TMTC2: variants seen among roughly 807,000 people sequenced by gnomAD.
TMTC2 encodes the protein protein O-mannosyl-transferase TMTC2.
TMTC2 carries 43 observed loss-of-function variants against 82.4 expected under a neutral mutation model. The observed-to-expected ratio is 0.52, with a 90% CI of 0.41 to 0.67. The LOEUF is 0.67. TMTC2 is among the 30% of genes least tolerant of loss of function. The pLI is 0.00. For missense variants in TMTC2, 919 were observed against 1,012.4 expected (o/e 0.91, Z 1.25); for synonymous variants, 408 against 381.9 (o/e 1.07, Z -0.80).
chr12:82,857,273 C>T lies in TMTC2; in HGVS notation c.347C>T (p.Thr116Ile). The T allele has an allele frequency of 6.2e-7, 1 of 1,614,186 alleles. No individual in the cohort carries two copies. The highest frequency in any genetic ancestry group is 1.1e-5 in the South Asian group (1 of 91,082). ...ATCCTCCTTGGTGATGGATACTGGA[C>T]ATTCATGGCTGGCTTGATGTTTGCT... ...SKILLGDGYW[T>I]FMAGLMFASH... The change falls in exon 2 of 12, where the codon ACA (threonine) becomes ATA (isoleucine). Residue 116 changes from threonine (T) to isoleucine (I), a missense_variant. Transcript: ENST00000321196.
chr12:82,702,996 AGT>A lies in TMTC2; in HGVS notation c.83+15329_83+15330del, dbSNP rs546671848. Among the ~76,000 whole-genome samples, 24 of 152,142 alleles carry A rather than the reference AGT, an allele frequency of 1.6e-4. No homozygotes were observed. The South Asian group carries it at 4.8e-3, about 30-fold the overall frequency. On this transcript the variant is annotated intron_variant, in intron 1 of 11. Transcript: ENST00000321196. ...CACTGCACTTCAGCCTGGGTGACAG[AGT>A]GAGATTCTGTCTCAAAATAAATAAA...
Position 82,857,099 on chromosome 12 carries a change from A to T in TMTC2, c.173A>T (p.His58Leu). Residue 58 changes from histidine (H) to leucine (L), a missense_variant, in exon 2 of 12, where the codon CAC becomes CTC. Physicochemically the swap from His to Leu is moderately conservative, Grantham distance 99 (BLOSUM62 -3). Coordinates refer to ENST00000321196, the MANE Select transcript of TMTC2 (RefSeq NM_152588.3). ...GATTTTTGGGGGACTCTTCTAACCC[A>T]CAGTGGCAGCCACAAGTCCTACCGG... ...YNDFWGTLLTHSGSHKSYRPL... is the reference protein window; with the variant it reads ...YNDFWGTLLTLSGSHKSYRPL... 6.2e-7 allele frequency: 1 copy of T among 1,613,978 alleles called. No homozygotes were observed. The highest frequency in any genetic ancestry group is 8.5e-7 in the Non-Finnish European group (1 of 1,180,016).
chr12:82,868,804 A>G (rs1187701597), intron 2 of TMTC2, among the ~76,000 whole-genome samples: 1 of 151,068 alleles, frequency 6.6e-6, no homozygotes, highest in Non-Finnish European at 1.5e-5. Context: ...CAGAATCTCT[A>G]TATAATAAAC....
At chr12:82,838,806 A>T (rs1870187052) in intron 1 of TMTC2, among the ~76,000 whole-genome samples, 1 of 140,870 alleles carries the variant, frequency 7.1e-6, no homozygotes, top group Non-Finnish European at 1.5e-5. Flanking sequence ...TTTTGAGATG[A>T]GTAGGACGAT....
At chr12:82,872,376 T>A (rs1167805242) in intron 2 of TMTC2, among the ~76,000 whole-genome samples, 1 of 152,218 alleles carries the variant, frequency 6.6e-6, no homozygotes, top group Non-Finnish European at 1.5e-5. Flanking sequence ...TGTGTGCCTA[T>A]GCATTTCACC....
chr12:82,755,455 A>G (rs1050474037), intron 1 of TMTC2, among the ~76,000 whole-genome samples: 2 of 152,222 alleles, frequency 1.3e-5, no homozygotes, highest in African/African-American at 2.4e-5. Flanking sequence ...TGATTAATTA[A>G]TCAAAATTGT....
intron 8 of TMTC2, among the ~76,000 whole-genome samples, chr12:82,991,589 G>A (rs1330179234): frequency 6.6e-6 from 1 of 152,050 alleles, no homozygotes; most frequent in African/African-American, 2.4e-5. Flanking sequence ...AATATAGTTG[G>A]ACCCAAGTGA....
At chr12:82,704,443 G>A (rs1190923142) in intron 1 of TMTC2, among the ~76,000 whole-genome samples, 2 of 151,882 alleles carry the variant, frequency 1.3e-5, no homozygotes, top group Non-Finnish European at 2.9e-5. Flanking sequence ...TAAATACATC[G>A]AATGTAGCTT....
intron 1 of TMTC2, among the ~76,000 whole-genome samples, chr12:82,812,194 A>T (rs536351327): frequency 2.6e-5 from 4 of 152,110 alleles, no homozygotes; most frequent in African/African-American, 9.6e-5. Context: ...ACTACTTTTC[A>T]CTTACTGATA....
intron 4 of TMTC2, among the ~76,000 whole-genome samples, chr12:82,964,766 A>G (rs183788504): frequency 7.0e-4 from 106 of 152,238 alleles, no homozygotes; most frequent in African/African-American, 2.4e-3. Context: ...AGAAAAGGGG[A>G]AAGTTCAGTG....
At chr12:82,743,181 G>A (rs1288751005) in intron 1 of TMTC2, among the ~76,000 whole-genome samples, 5 of 152,146 alleles carry the variant, frequency 3.3e-5, no homozygotes, top group Non-Finnish European at 7.4e-5. Context: ...AGTGGCTCAG[G>A]CCCATAATCC....
chr12:82,979,633 C>A (rs931452909), intron 7 of TMTC2, among the ~76,000 whole-genome samples: 8 of 151,642 alleles, frequency 5.3e-5, no homozygotes, highest in Non-Finnish European at 1.2e-4. Flanking sequence ...TAATTATGTA[C>A]CACAATTGCA....
intron 4 of TMTC2, among the ~76,000 whole-genome samples, chr12:82,961,373 A>G (rs1160784432): frequency 6.6e-6 from 1 of 152,026 alleles, no homozygotes; most frequent in African/African-American, 2.4e-5. Context: ...CAGAACTTCC[A>G]AAATGGCACT....
At chr12:82,707,935 T>C (rs1873441593) in intron 1 of TMTC2, among the ~76,000 whole-genome samples, 1 of 152,180 alleles carries the variant, frequency 6.6e-6, no homozygotes, top group South Asian at 2.1e-4. Flanking sequence ...TATGAGGTGG[T>C]CACCTATAGG....
intron 8 of TMTC2, among the ~76,000 whole-genome samples, chr12:82,996,658 A>G (rs1170546036): frequency 6.6e-6 from 1 of 152,194 alleles, no homozygotes; most frequent in Non-Finnish European, 1.5e-5. Context: ...TATGGCATAG[A>G]GTTTACACTG....
intron 2 of TMTC2, among the ~76,000 whole-genome samples, chr12:82,871,679 A>AT (rs1872182889): frequency 2.8e-5 from 2 of 70,294 alleles, no homozygotes; most frequent in South Asian, 5.3e-4. Flanking sequence ...AGCTCTGCTC[A>AT]TCTGTGTGTG....
intron 1 of TMTC2, among the ~76,000 whole-genome samples, chr12:82,732,229 T>G (rs1298599198): frequency 1.3e-5 from 2 of 152,244 alleles, no homozygotes; most frequent in Non-Finnish European, 2.9e-5. Context: ...TATCATACTT[T>G]ATTGATTGAT....
At chr12:82,772,775 G>T (rs11115405) in intron 1 of TMTC2, among the ~76,000 whole-genome samples, 23,054 of 151,914 alleles carry the variant, frequency 0.15, 1,997 homozygotes, top group African/African-American at 0.24. Context: ...ACTTTCCCAA[G>T]AAAATTCTGT....
At chr12:82,750,525 A>G (rs1242849722) in intron 1 of TMTC2, among the ~76,000 whole-genome samples, 1 of 152,094 alleles carries the variant, frequency 6.6e-6, no homozygotes, top group Non-Finnish European at 1.5e-5. Context: ...TTATTTTATG[A>G]TAATAGCTGA....
Sources: allele counts gnomAD v4.1 joint callset (sites outside exome capture counted in the v4.1 genomes callset), GRCh38; gene constraint gnomAD v4.1.1; transcripts MANE v1.5; gene names NCBI Gene and HGNC (gene_info 2026-07-23, HGNC 2026-07-21).